The following BRINP1 variants were observed in gnomAD, a reference collection of about 807,000 sequenced individuals.
The protein encoded by BRINP1 is BMP/retinoic acid-inducible neural-specific protein 1.
A neutral mutation model predicts 72.9 loss-of-function variants in BRINP1; 17 were observed. The ratio of observed to expected loss-of-function variants is 0.23; its 90% CI spans 0.16 to 0.35. The LOEUF (loss-of-function observed/expected upper bound fraction) is 0.35, where lower values mean the gene tolerates loss of function less well. Ranked by LOEUF, BRINP1 falls within the 10% of genes least tolerant of loss-of-function variation. The pLI is 1.00. For synonymous variants in BRINP1, 418 were observed against 378.5 expected (o/e 1.10, Z -1.21); for missense variants, 850 against 1,001.6 (o/e 0.85, Z 2.04).
chr9:119,357,628 A>G (rs1337730709), intron 1 of BRINP1, among the ~76,000 whole-genome samples: 1 of 152,234 alleles, frequency 6.6e-6, no homozygotes, highest in African/African-American at 2.4e-5. Flanking sequence ...GAAGATATTC[A>G]TGATGCTGAC....
At chr9:119,362,295 G>A (rs1434196245) in intron 1 of BRINP1, among the ~76,000 whole-genome samples, 1 of 152,024 alleles carries the variant, frequency 6.6e-6, no homozygotes, top group Non-Finnish European at 1.5e-5. Context: ...TGCTCTTATT[G>A]TATAATATTC....
intron 2 of BRINP1, among the ~76,000 whole-genome samples, chr9:119,260,109 A>G (rs1830482643): frequency 6.6e-6 from 1 of 152,166 alleles, no homozygotes; most frequent in African/African-American, 2.4e-5. Flanking sequence ...TCATTCAGTT[A>G]TATTCACTGA....
At chr9:119,219,561 C>T (rs1207206567) in intron 5 of BRINP1, among the ~76,000 whole-genome samples, 4 of 151,208 alleles carry the variant, frequency 2.6e-5, no homozygotes, top group Non-Finnish European at 5.9e-5. Flanking sequence ...TTCCTGAAGC[C>T]CTACTATGTG....
At chr9:119,197,613 G>T (rs1829752919) in intron 7 of BRINP1, among the ~76,000 whole-genome samples, 1 of 152,156 alleles carries the variant, frequency 6.6e-6, no homozygotes, top group South Asian at 2.1e-4. Context: ...CCTCCATGAA[G>T]TAACTTTGGG....
intron 7 of BRINP1, among the ~76,000 whole-genome samples, chr9:119,187,366 G>A (rs1829634187): frequency 6.6e-6 from 1 of 151,734 alleles, no homozygotes; most frequent in Non-Finnish European, 1.5e-5. Context: ...AGCCCTTGTT[G>A]CCAATAACCT....
At chr9:119,323,209 A>G (rs1307000284) in intron 1 of BRINP1, among the ~76,000 whole-genome samples, 6 of 152,204 alleles carry the variant, frequency 3.9e-5, no homozygotes, top group African/African-American at 9.6e-5. Flanking sequence ...AGAGCATGGC[A>G]AAGGTCTCCT....
At chr9:119,300,536 A>T (rs76648780) in intron 2 of BRINP1, among the ~76,000 whole-genome samples, 5,338 of 152,214 alleles carry the variant, frequency 0.035, 308 homozygotes, top group African/African-American at 0.12. Context: ...AAAATTAAAA[A>T]ATAAAAAATA....
chr9:119,339,746 T>A (rs2119021848), intron 1 of BRINP1, among the ~76,000 whole-genome samples: 1 of 152,270 alleles, frequency 6.6e-6, no homozygotes, highest in African/African-American at 2.4e-5. Flanking sequence ...GTCACACAAC[T>A]CACTCATTAT....
At chr9:119,206,950 A>G (rs1829863923) in intron 7 of BRINP1, among the ~76,000 whole-genome samples, 1 of 152,214 alleles carries the variant, frequency 6.6e-6, no homozygotes, top group Non-Finnish European at 1.5e-5. Context: ...AAGAAATTCT[A>G]TTTGATCCAC....
chr9:119,235,657 A>G (rs1310803043), intron 5 of BRINP1, among the ~76,000 whole-genome samples: 1 of 152,098 alleles, frequency 6.6e-6, no homozygotes, highest in East Asian at 1.9e-4. Context: ...TTTTTTGTCT[A>G]TCTCATTACC....
At chr9:119,282,143 T>C (rs661999) in intron 2 of BRINP1, among the ~76,000 whole-genome samples, 29,959 of 152,188 alleles carry the variant, frequency 0.2, 3,237 homozygotes, top group South Asian at 0.27. Context: ...GTTTGAATAG[T>C]TTTGACAAGG....
At position 119,168,089 on chromosome 9, in the gene BRINP1, G is replaced by C. The variant is rs1829342590; in HGVS notation, c.1281C>G (p.Pro427=). Residue 427 remains proline (P), a synonymous_variant, in exon 8 of 8, where the codon CCC becomes CCG. Coordinates refer to ENST00000265922, the MANE Select transcript of BRINP1 (RefSeq NM_014618.3). ...GSTTLCQRPI[P]CVIGGNNSCA... ...AGCTGTTGTTCCCGCCTATCACGCAGGGGATGGGGCGCTGGCACAGCGTGG... is the reference window on the plus strand; with the variant it reads ...AGCTGTTGTTCCCGCCTATCACGCACGGGATGGGGCGCTGGCACAGCGTGG... 2 of 1,610,514 alleles carry C rather than the reference G, an allele frequency of 1.2e-6. No homozygotes were observed. Among genetic ancestry groups the C allele is most frequent in the East Asian group, 4.5e-5 (2 of 44,722 alleles).
intron 2 of BRINP1, among the ~76,000 whole-genome samples, chr9:119,271,789 AT>A (rs150261310): frequency 5.3e-5 from 8 of 151,024 alleles, no homozygotes; most frequent in Admixed American, 2.0e-4. Context: ...GTCTTTTTTC[AT>A]TTTTTTTTAA....
At chr9:119,303,807 C>T (rs748240649) in intron 2 of BRINP1, among the ~76,000 whole-genome samples, 14 of 151,980 alleles carry the variant, frequency 9.2e-5, no homozygotes, top group Non-Finnish European at 1.9e-4. Context: ...GGGGTGGATA[C>T]TTCAGGTATT....
At chr9:119,238,878 A>G in intron 4 of BRINP1, 118 bp from the exon 5 acceptor site, 1 of 612,286 alleles carries the variant, frequency 1.6e-6, no homozygotes, top group Non-Finnish European at 2.8e-6. Flanking sequence ...GTTTGAGTCA[A>G]TGGTCACTTT....
At chr9:119,254,873 G>C (rs1588179375) in intron 2 of BRINP1, among the ~76,000 whole-genome samples, 1 of 152,268 alleles carries the variant, frequency 6.6e-6, no homozygotes, top group Middle Eastern at 3.4e-3. Flanking sequence ...TTTGGCCTAT[G>C]GGAAATATGT....
intron 7 of BRINP1, among the ~76,000 whole-genome samples, chr9:119,180,083 G>T (rs1199680269): frequency 6.6e-6 from 1 of 152,194 alleles, no homozygotes; most frequent in Non-Finnish European, 1.5e-5. Flanking sequence ...TTTAATTGGA[G>T]GTTTTGCCTA....
chr9:119,264,477 CAA>C (rs1421623454), intron 2 of BRINP1, among the ~76,000 whole-genome samples: 1 of 152,208 alleles, frequency 6.6e-6, no homozygotes, highest in Non-Finnish European at 1.5e-5. Flanking sequence ...GTCTATGAGA[CAA>C]ATAGGAAACT....
chr9:119,212,001 TG>T (rs1829934133), intron 6 of BRINP1, among the ~76,000 whole-genome samples: 1 of 152,174 alleles, frequency 6.6e-6, no homozygotes, highest in Admixed American at 6.5e-5. Flanking sequence ...GTTTTTTTTT[TG>T]TTTGTTTTTG....
Sources: gnomAD v4.1 joint callset for allele counts (sites outside exome capture counted in the v4.1 genomes callset) on GRCh38, gnomAD v4.1.1 for gene constraint, MANE v1.5 for transcripts, NCBI Gene and HGNC (gene_info 2026-07-23, HGNC 2026-07-21) for gene names.